Variants in GRIK2 observed in about 807,000 individuals in gnomAD.
GRIK2 encodes the protein glutamate receptor ionotropic, kainate 2.
Under a neutral mutation model 100.3 loss-of-function variants are expected in GRIK2, and 32 were observed. The observed-to-expected ratio is 0.32, with a 90% CI of 0.24 to 0.43. The LOEUF (loss-of-function observed/expected upper bound fraction) is 0.43. Ranked by LOEUF, GRIK2 falls within the 20% of genes least tolerant of loss-of-function variation. The pLI is 1.00. For missense variants in GRIK2, 843 were observed against 1,114.9 expected (o/e 0.76, Z 3.47); for synonymous variants, 417 against 389.4 (o/e 1.07, Z -0.83).
intron 7 of GRIK2, among the ~76,000 whole-genome samples, chr6:101,780,293 A>G (rs1333352574): frequency 6.6e-6 from 1 of 152,112 alleles, no homozygotes; most frequent in Non-Finnish European, 1.5e-5. Flanking sequence ...TTTGCCCATC[A>G]TAGTTTCAGT....
In GRIK2 at chr6:101,791,993, G is replaced by T. The variant is rs558184978; in HGVS notation, c.952-7655G>T. Among the ~76,000 whole-genome samples the T allele has an allele frequency of 4.0e-3, 606 of 151,980 alleles. 4 individuals carry two copies. Among genetic ancestry groups the T allele is most frequent in the African/African-American group, 0.014 (574 of 41,358 alleles). ...TCTTTGTCTCTTTTGATCTTTGTTG[G>T]TTTAAAGTCTGTTTTATCAGAGACT... On this transcript the variant is annotated intron_variant, in intron 7 of 16. Transcript: ENST00000369134.
chr6:102,009,611 C>T (rs1032726529), intron 14 of GRIK2, among the ~76,000 whole-genome samples: 1 of 152,130 alleles, frequency 6.6e-6, no homozygotes, highest in African/African-American at 2.4e-5. Flanking sequence ...GGATTAATTA[C>T]TCCCTAAAAC....
At chr6:101,886,298 A>G (rs542080361) in intron 11 of GRIK2, among the ~76,000 whole-genome samples, 8 of 152,194 alleles carry the variant, frequency 5.3e-5, no homozygotes, top group Non-Finnish European at 1.0e-4. Context: ...AATGAATAAT[A>G]CTATTCCATT....
intron 14 of GRIK2, among the ~76,000 whole-genome samples, chr6:101,998,320 CTG>C (rs1295718911): frequency 6.6e-6 from 1 of 152,128 alleles, no homozygotes; most frequent in Non-Finnish European, 1.5e-5. Flanking sequence ...AGGAACATTA[CTG>C]TGTGTACTCA....
chr6:101,618,537 CTT>C (rs1423038311), intron 2 of GRIK2, among the ~76,000 whole-genome samples: 3 of 151,690 alleles, frequency 2.0e-5, no homozygotes, highest in Non-Finnish European at 4.4e-5. Context: ...TAAACATAAA[CTT>C]CATCAGTCAT....
chr6:101,507,504 A>T (rs891199136), intron 2 of GRIK2, among the ~76,000 whole-genome samples: 7 of 152,252 alleles, frequency 4.6e-5, no homozygotes, highest in Middle Eastern at 6.8e-3. Flanking sequence ...TTTAAAAAAA[A>T]TTACCTAAAT....
chr6:101,611,280 C>G (rs926584356), intron 2 of GRIK2, among the ~76,000 whole-genome samples: 4 of 151,882 alleles, frequency 2.6e-5, no homozygotes, highest in African/African-American at 9.7e-5. Context: ...AGTTTATATA[C>G]TGACTTCTCA....
At chr6:101,458,954 T>C (rs2518164) in intron 2 of GRIK2, among the ~76,000 whole-genome samples, 18,526 of 152,152 alleles carry the variant, frequency 0.12, 1,416 homozygotes, top group Non-Finnish European at 0.16. Flanking sequence ...TGACCGCAAA[T>C]TTCTGTGACT....
At chr6:101,810,370 A>G (rs1375309472) in intron 9 of GRIK2, among the ~76,000 whole-genome samples, 9 of 152,050 alleles carry the variant, frequency 5.9e-5, no homozygotes, top group Admixed American at 5.9e-4. Context: ...TAGATTATTA[A>G]TTCCTTTCCA....
intron 14 of GRIK2, among the ~76,000 whole-genome samples, chr6:101,985,721 GT>G (rs1423890569): frequency 1.3e-5 from 2 of 151,906 alleles, no homozygotes; most frequent in African/African-American, 4.8e-5. Flanking sequence ...TTAAAAGAAG[GT>G]TCTTAGAATA....
At chr6:101,777,838 C>A (rs1778846901) in intron 7 of GRIK2, among the ~76,000 whole-genome samples, 2 of 152,122 alleles carry the variant, frequency 1.3e-5, no homozygotes, top group Admixed American at 1.3e-4. Flanking sequence ...TAAATGTGTT[C>A]AAGGAACTGT....
intron 2 of GRIK2, among the ~76,000 whole-genome samples, chr6:101,423,612 A>G (rs565985641): frequency 3.9e-5 from 6 of 152,118 alleles, no homozygotes; most frequent in African/African-American, 9.7e-5. Context: ...TGAAATGTCT[A>G]TTCATGTCTT....
chr6:101,883,403 A>G (rs1456079703), intron 11 of GRIK2, among the ~76,000 whole-genome samples: 1 of 151,944 alleles, frequency 6.6e-6, no homozygotes, highest in East Asian at 1.9e-4. Context: ...TTGTTTAGTG[A>G]CTACTTTGTG....
intron 15 of GRIK2, among the ~76,000 whole-genome samples, chr6:102,049,438 T>G (rs777782822): frequency 1.3e-5 from 2 of 152,110 alleles, no homozygotes; most frequent in Non-Finnish European, 2.9e-5. Flanking sequence ...AAGAAAAGAA[T>G]TTATGGGGAC....
At chr6:101,492,686 A>G (rs922862081) in intron 2 of GRIK2, among the ~76,000 whole-genome samples, 1 of 151,896 alleles carries the variant, frequency 6.6e-6, no homozygotes, top group Non-Finnish European at 1.5e-5. Context: ...GCCATTGAGT[A>G]CTATACTTTA....
At chr6:101,433,722 C>T (rs1267413607) in intron 2 of GRIK2, among the ~76,000 whole-genome samples, 1 of 152,026 alleles carries the variant, frequency 6.6e-6, no homozygotes, top group Admixed American at 6.6e-5. Flanking sequence ...CATTCCAAAA[C>T]AGAGCAATGG....
At chr6:101,664,462 C>T (rs537412383) in intron 4 of GRIK2, among the ~76,000 whole-genome samples, 1 of 152,314 alleles carries the variant, frequency 6.6e-6, no homozygotes, top group East Asian at 1.9e-4. Context: ...TAAAATGCAA[C>T]ATTAATTTTA....
chr6:101,755,110 G>C (rs1355764837), intron 7 of GRIK2, among the ~76,000 whole-genome samples: 1 of 149,746 alleles, frequency 6.7e-6, no homozygotes, highest in African/African-American at 2.5e-5. Context: ...TAAACTCACT[G>C]TCCCTTATGA....
intron 2 of GRIK2, among the ~76,000 whole-genome samples, chr6:101,563,948 A>T (rs1034901225): frequency 6.6e-6 from 1 of 152,150 alleles, no homozygotes; most frequent in Non-Finnish European, 1.5e-5. Flanking sequence ...TTAATAGAAG[A>T]GATGTAATAT....
Sources: gnomAD v4.1 joint callset for allele counts (sites outside exome capture counted in the v4.1 genomes callset) on GRCh38, gnomAD v4.1.1 for gene constraint, MANE v1.5 for transcripts, NCBI Gene and HGNC (gene_info 2026-07-23, HGNC 2026-07-21) for gene names.